The following HS6ST3 variants were observed in gnomAD, a reference collection of about 807,000 sequenced individuals.
The protein encoded by HS6ST3 is heparan sulfate 6-O-sulfotransferase 3.
In HS6ST3, 12 loss-of-function variants were observed where a neutral mutation model predicts 36.7. The ratio of observed to expected loss-of-function variants is 0.33; its 90% confidence interval spans 0.21 to 0.53. The LOEUF (loss-of-function observed/expected upper bound fraction) is 0.53. Ranked by LOEUF, HS6ST3 falls within the 20% of genes least tolerant of loss-of-function variation. HS6ST3 has a pLI of 0.95. For synonymous variants in HS6ST3, 240 were observed against 257.5 expected, an observed-to-expected ratio of 0.93 and a Z score of 0.65; for missense variants, 584 against 640.9, an observed-to-expected ratio of 0.91 and a Z score of 0.96.
intron 1 of HS6ST3, among the ~76,000 whole-genome samples, chr13:96,494,240 G>A (rs924102353): frequency 3.3e-5 from 5 of 152,024 alleles, no homozygotes; most frequent in African/African-American, 7.2e-5. Context: ...CATATCCTTT[G>A]TAGGGACATG....
intron 1 of HS6ST3, among the ~76,000 whole-genome samples, chr13:96,394,761 A>C (rs1194729519): frequency 1.3e-5 from 2 of 152,210 alleles, no homozygotes; most frequent in African/African-American, 4.8e-5. Context: ...ATGATGATAC[A>C]GAACGGTGTA....
At chr13:96,260,523 C>T (rs182099247) in intron 1 of HS6ST3, among the ~76,000 whole-genome samples, 187 of 152,040 alleles carry the variant, frequency 1.2e-3, no homozygotes, top group Non-Finnish European at 2.3e-3. Flanking sequence ...CCATGTTAGC[C>T]AGGATAGTCT....
At chr13:96,103,773 A>G (rs1385690057) in intron 1 of HS6ST3, among the ~76,000 whole-genome samples, 2 of 152,230 alleles carry the variant, frequency 1.3e-5, no homozygotes, top group Non-Finnish European at 2.9e-5. Flanking sequence ...GACAAAGATG[A>G]AGTTGAAAAT....
intron 1 of HS6ST3, among the ~76,000 whole-genome samples, chr13:96,831,880 G>A (rs930310675): frequency 5.4e-5 from 8 of 147,178 alleles, no homozygotes; most frequent in South Asian, 4.3e-4. Flanking sequence ...GCTTGAACCC[G>A]GGAGGCAGAG....
chr13:96,280,138 A>C (rs185659845), intron 1 of HS6ST3, among the ~76,000 whole-genome samples: 2 of 152,152 alleles, frequency 1.3e-5, no homozygotes, highest in South Asian at 4.1e-4. Context: ...CTTTGTGTAC[A>C]GTATTAGCTC....
chr13:96,496,783 T>G (rs867700152), intron 1 of HS6ST3, among the ~76,000 whole-genome samples: 34 of 152,060 alleles, frequency 2.2e-4, no homozygotes, highest in Middle Eastern at 3.2e-3. Flanking sequence ...GGGTGACTTA[T>G]TACACAGCAA....
intron 1 of HS6ST3, among the ~76,000 whole-genome samples, chr13:96,148,727 G>C (rs2054069650): frequency 6.6e-6 from 1 of 152,160 alleles, no homozygotes; most frequent in Admixed American, 6.6e-5. Context: ...TATAAGGATG[G>C]CAAGAGGATG....
At chr13:96,760,426 C>T (rs1876935428) in intron 1 of HS6ST3, among the ~76,000 whole-genome samples, 1 of 151,886 alleles carries the variant, frequency 6.6e-6, no homozygotes, top group African/African-American at 2.4e-5. Context: ...TTACTTCTGC[C>T]TACCAACTTA....
chr13:96,778,927 C>T (rs1293092095), intron 1 of HS6ST3, among the ~76,000 whole-genome samples: 1 of 152,120 alleles, frequency 6.6e-6, no homozygotes, highest in Non-Finnish European at 1.5e-5. Flanking sequence ...CCCAAATGCC[C>T]ATCAATGATA....
At position 96,838,495 on chromosome 13, in the gene HS6ST3, C is replaced by T. The variant is rs1352871847; in HGVS notation, c.*5297C>T. Reference sequence around the variant, plus strand: ...GTGACCCCATTGGTCACCAGAGCAACTGCATGTCTTCAGGCTGGGTATTAG... The same window carrying T: ...GTGACCCCATTGGTCACCAGAGCAATTGCATGTCTTCAGGCTGGGTATTAG... On this transcript the variant is annotated 3_prime_UTR_variant, in exon 2 of 2. Transcript: ENST00000376705. 5 of 152,350 alleles carry T rather than the reference C, an allele frequency of 3.3e-5. No individual in the cohort carries two copies. Among genetic ancestry groups the T allele is most frequent in the African/African-American group, 7.2e-5 (3 of 41,462 alleles). The allele number at this position is 152,350 out of a possible 1,614,324, so 9.4% of individuals were successfully genotyped here. A position where few individuals can be genotyped will look rare whatever the true frequency, so the allele number is the denominator to read the frequency against.
Position 96,809,393 on chromosome 13 carries a change from C to A in HS6ST3, c.708-23097C>A, listed in dbSNP as rs574033231. Reference sequence around the variant, plus strand: ...TATAGGGGCATTTCCTAAAAATATGCGATTTTGTATCCTGTCTTGTTTTTT... The same window carrying A: ...TATAGGGGCATTTCCTAAAAATATGAGATTTTGTATCCTGTCTTGTTTTTT... On this transcript the variant is annotated intron_variant, in intron 1 of 1. Coordinates refer to ENST00000376705, the MANE Select transcript of HS6ST3 (RefSeq NM_153456.4). 4.6e-5 allele frequency among the ~76,000 whole-genome samples: 7 copies of A among 152,220 alleles called. No homozygotes were observed. The South Asian group carries it at 1.5e-3, about 32-fold the overall frequency.
chr13:96,365,820 C>G (rs567193107), intron 1 of HS6ST3, among the ~76,000 whole-genome samples: 46 of 152,156 alleles, frequency 3.0e-4, no homozygotes, highest in African/African-American at 7.2e-4. Flanking sequence ...AATATATTTT[C>G]CAGGAAAAAA....
At chr13:96,591,758 G>T (rs559537598) in intron 1 of HS6ST3, among the ~76,000 whole-genome samples, 1 of 151,972 alleles carries the variant, frequency 6.6e-6, no homozygotes, top group Non-Finnish European at 1.5e-5. Context: ...AAAAGGGGGC[G>T]TCCTTGTTGT....
intron 1 of HS6ST3, among the ~76,000 whole-genome samples, chr13:96,768,221 A>G (rs1022103460): frequency 6.6e-6 from 1 of 152,194 alleles, no homozygotes; most frequent in Non-Finnish European, 1.5e-5. Context: ...GGTAGGTCAC[A>G]CTTGCTTAGC....
intron 1 of HS6ST3, among the ~76,000 whole-genome samples, chr13:96,679,900 G>A (rs938155470): frequency 2.6e-5 from 4 of 152,170 alleles, no homozygotes; most frequent in Admixed American, 2.6e-4. Context: ...CATTATTCTG[G>A]CAAGGGACCT....
intron 1 of HS6ST3, among the ~76,000 whole-genome samples, chr13:96,603,715 GC>G (rs1456374640): frequency 6.6e-6 from 1 of 152,166 alleles, no homozygotes; most frequent in African/African-American, 2.4e-5. Context: ...TATTTTTAAT[GC>G]AATAATTTAT....
At chr13:96,432,760 G>T (rs1181695144) in intron 1 of HS6ST3, among the ~76,000 whole-genome samples, 2 of 152,046 alleles carry the variant, frequency 1.3e-5, no homozygotes, top group African/African-American at 4.8e-5. Context: ...GGATGAAAAT[G>T]AGAGAATCAA....
chr13:96,241,887 G>A (rs1019950694), intron 1 of HS6ST3, among the ~76,000 whole-genome samples: 187 of 150,020 alleles, frequency 1.2e-3, no homozygotes, highest in African/African-American at 4.4e-3. Flanking sequence ...CCGGGTTCAC[G>A]CCATTCTTCT....
intron 1 of HS6ST3, among the ~76,000 whole-genome samples, chr13:96,620,269 T>C (rs752096473): frequency 6.6e-6 from 1 of 152,244 alleles, no homozygotes; most frequent in Admixed American, 6.5e-5. Flanking sequence ...CTATTAAGTA[T>C]GGTTTAGTCA....
Sources: gnomAD v4.1 joint callset for allele counts (sites outside exome capture counted in the v4.1 genomes callset) on GRCh38, gnomAD v4.1.1 for gene constraint, MANE v1.5 for transcripts, NCBI Gene and HGNC (gene_info 2026-07-23, HGNC 2026-07-21) for gene names.